SPOP: variants seen among roughly 807,000 people sequenced by gnomAD.
The protein encoded by SPOP is speckle type BTB/POZ protein.
A neutral mutation model predicts 45.6 loss-of-function variants in SPOP; 11 were observed. The observed-to-expected ratio is 0.24, with a 90% CI of 0.15 to 0.40. SPOP has a LOEUF of 0.40. Among genes scored for constraint, SPOP ranks in the 10% least tolerant of loss-of-function variants. SPOP has a pLI of 1.00. For synonymous variants in SPOP, 166 were observed against 166.3 expected (o/e 1.00, Z 0.01); for missense variants, 152 against 465.6 (o/e 0.33, Z 6.20).
Position 49,600,499 on chromosome 17 carries a change from G to T in SPOP, c.1004C>A (p.Thr335Asn). Reference sequence around the variant, plus strand: ...CACCACCATTGACTTCCACCCAGAGGTCTCCAAGACATCCGAAGCATGACT... The same window carrying T: ...CACCACCATTGACTTCCACCCAGAGTTCTCCAAGACATCCGAAGCATGACT... The part of the protein sequence containing the change: ...INYHASDVLE[T>N]SGWKSMVVSH... The change falls in exon 10 of 10, where the codon ACC becomes AAC. Residue 335 changes from threonine to asparagine, a missense_variant. Coordinates refer to ENST00000504102, the MANE Select transcript of SPOP (RefSeq NM_001007228.2). This position sits in a 1 kb window ranked among gnomAD's most constrained non-coding sequence, Gnocchi z 4.2. 6.2e-7 allele frequency: 1 copy of T among 1,614,086 alleles called. No homozygotes were observed. Among genetic ancestry groups the T allele is most frequent in the Non-Finnish European group, 8.5e-7 (1 of 1,180,012 alleles).
At chr17:49,649,986 G>A (rs977453815) in intron 1 of SPOP, among the ~76,000 whole-genome samples, 22 of 151,452 alleles carry the variant, frequency 1.5e-4, no homozygotes, top group African/African-American at 5.1e-4. Flanking sequence ...CCACCTCCCA[G>A]GTTCAAGCGA....
intron 1 of SPOP, among the ~76,000 whole-genome samples, chr17:49,623,987 A>G (rs561662016): frequency 6.6e-6 from 1 of 152,042 alleles, no homozygotes; most frequent in Admixed American, 6.5e-5. Context: ...TACAACTCTC[A>G]CCTCTCTCAT....
chr17:49,607,029 G>A, intron 8 of SPOP: 1 of 448,024 alleles, frequency 2.2e-6, no homozygotes, highest in Non-Finnish European at 3.9e-6. Flanking sequence ...CTTTCCCATA[G>A]TTAGGTGATC....
At chr17:49,615,108 C>T (rs996434760) in intron 5 of SPOP, among the ~76,000 whole-genome samples, 1 of 152,112 alleles carries the variant, frequency 6.6e-6, no homozygotes, top group African/African-American at 2.4e-5. Context: ...ATCCTCCTAC[C>T]TTGGCCTCCG....
chr17:49,609,062 C>A (rs1232150449), intron 6 of SPOP, among the ~76,000 whole-genome samples: 3 of 152,144 alleles, frequency 2.0e-5, no homozygotes, highest in Non-Finnish European at 4.4e-5. Context: ...GTACCCACCA[C>A]CACGCCTGGC....
In SPOP at chr17:49,600,767, A is replaced by C; in HGVS notation, c.981-245T>G. ...TATATTCTCAAAAACAAAAAGCAGA[A>C]TGTTCCCCAGGCCCCCAACACTGCC... is the stretch of plus-strand genomic sequence containing the variant. On this transcript the variant is annotated intron_variant, in intron 9 of 9. Transcript: ENST00000504102. The surrounding 1 kb of genome is among the most constrained non-coding windows in gnomAD (Gnocchi z 4.2). The C allele has an allele frequency of 2.1e-6, 1 of 475,604 alleles. No individual in the cohort carries two copies. The allele number at this position is 475,604 out of a possible 1,614,324, so 29.5% of individuals were successfully genotyped here. A position where few individuals can be genotyped will look rare whatever the true frequency, so the allele number is the denominator to read the frequency against.
At chr17:49,641,890 G>C (rs933160415) in intron 1 of SPOP, among the ~76,000 whole-genome samples, 1 of 152,068 alleles carries the variant, frequency 6.6e-6, no homozygotes. Context: ...GGGTGTGGTA[G>C]TTGGCACCTG....
chr17:49,665,117 A>G (rs907464375), intron 1 of SPOP, among the ~76,000 whole-genome samples: 1 of 152,148 alleles, frequency 6.6e-6, no homozygotes, highest in African/African-American at 2.4e-5. Flanking sequence ...CAAGACACCA[A>G]ATTATAATAA....
intron 3 of SPOP, among the ~76,000 whole-genome samples, chr17:49,620,391 C>T (rs769103304): frequency 6.6e-6 from 1 of 151,000 alleles, no homozygotes; most frequent in Non-Finnish European, 1.5e-5. Context: ...TCACTTTAAC[C>T]CAGGAGGCAG....
At chr17:49,664,107 T>C (rs770206957) in intron 1 of SPOP, among the ~76,000 whole-genome samples, 1 of 152,230 alleles carries the variant, frequency 6.6e-6, no homozygotes, top group African/African-American at 2.4e-5. Context: ...GATTTTAATG[T>C]AACAGTAACA....
chr17:49,667,417 T>C (rs376272131), intron 1 of SPOP, among the ~76,000 whole-genome samples: 18 of 150,174 alleles, frequency 1.2e-4, no homozygotes, highest in South Asian at 8.4e-4. Flanking sequence ...TGGCGAAACC[T>C]CGTCTCTACT....
chr17:49,632,468 T>G (rs956180705), intron 1 of SPOP, among the ~76,000 whole-genome samples: 2 of 151,966 alleles, frequency 1.3e-5, no homozygotes, highest in Non-Finnish European at 2.9e-5. Context: ...CAAGCTAAAC[T>G]CTTAAGTTAT....
intron 6 of SPOP, among the ~76,000 whole-genome samples, chr17:49,609,385 C>T (rs1218716509): frequency 3.9e-5 from 6 of 152,156 alleles, no homozygotes; most frequent in Non-Finnish European, 7.4e-5. Context: ...AGGCCCGGTG[C>T]TTTTCATAAA....
chr17:49,637,943 A>C (rs1205671479), intron 1 of SPOP, among the ~76,000 whole-genome samples: 2 of 152,198 alleles, frequency 1.3e-5, no homozygotes, highest in Non-Finnish European at 2.9e-5. Context: ...CACAGGACTG[A>C]TCATAGTGCA....
chr17:49,652,118 T>A (rs574864837), intron 1 of SPOP, among the ~76,000 whole-genome samples: 9 of 152,320 alleles, frequency 5.9e-5, no homozygotes, highest in African/African-American at 2.2e-4. Flanking sequence ...CAAAACTTTT[T>A]AAGCACGGGT....
chr17:49,621,217 G>A (rs1002390236), intron 3 of SPOP, among the ~76,000 whole-genome samples: 3 of 152,172 alleles, frequency 2.0e-5, no homozygotes, highest in Non-Finnish European at 4.4e-5. Context: ...GTGCATGTAC[G>A]ACATATTCCT....
chr17:49,675,427 T>C (rs1460460521), intron 1 of SPOP, among the ~76,000 whole-genome samples: 2 of 152,196 alleles, frequency 1.3e-5, no homozygotes, highest in Non-Finnish European at 2.9e-5. Context: ...TATATAGGTG[T>C]ATATGCTTGT....
intron 1 of SPOP, among the ~76,000 whole-genome samples, chr17:49,624,319 A>G (rs867781562): frequency 0.018 from 2,157 of 118,752 alleles, 69 homozygotes; most frequent in African/African-American, 0.059. Flanking sequence ...ACACACACAC[A>G]CGCGCGCGCG....
chr17:49,602,065 C>A, intron 8 of SPOP, 58 bp from the exon 9 acceptor site: 3 of 1,586,624 alleles, frequency 1.9e-6, no homozygotes, highest in Non-Finnish European at 2.6e-6. Flanking sequence ...CTGACCACTA[C>A]TGAAGCTGTT....
Sources: gnomAD v4.1 joint callset for allele counts (sites outside exome capture counted in the v4.1 genomes callset) on GRCh38, gnomAD v4.1.1 for gene constraint, Gnocchi (gnomAD v3.1) non-coding constraint, MANE v1.5 for transcripts, NCBI Gene and HGNC (gene_info 2026-07-23, HGNC 2026-07-21) for gene names.